FBXO32: variants seen among roughly 807,000 people sequenced by gnomAD.
The protein encoded by FBXO32 is F-box protein 32, also known as F-box only protein 32.
A neutral mutation model predicts 48.3 loss-of-function variants in FBXO32; 15 were observed. The ratio of observed to expected loss-of-function variants is 0.31; its 90% CI spans 0.21 to 0.48. The LOEUF (loss-of-function observed/expected upper bound fraction) is 0.48, where lower values mean the gene tolerates loss of function less well. Ranked by LOEUF, FBXO32 falls within the 20% of genes least tolerant of loss-of-function variation. The pLI, the probability that FBXO32 is intolerant of heterozygous loss-of-function variation, is 0.99. For missense variants in FBXO32, 309 were observed against 432.7 expected (o/e 0.71, Z 2.54); for synonymous variants, 154 against 165.9 (o/e 0.93, Z 0.55).
At chr8:123,510,029 G>A (rs900252135) in intron 6 of FBXO32, among the ~76,000 whole-genome samples, 2 of 152,204 alleles carry the variant, frequency 1.3e-5, no homozygotes, top group African/African-American at 4.8e-5. Flanking sequence ...GAAGCACTCA[G>A]TACAGCGCCC....
rs1000073659 is a variant in FBXO32, at chr8:123,498,130, A to C, written c.*5243T>G. On this transcript the variant is annotated 3_prime_UTR_variant, in exon 9 of 9. Transcript: ENST00000517956. ...TAATACTTTTCATTTAAAAAAGTAC[A>C]TTAAAGCTTCTAAGCTTAGGACACA... 3 of 152,224 alleles carry C rather than the reference A, an allele frequency of 2.0e-5. No homozygotes were observed. The highest frequency in any genetic ancestry group is 7.2e-5 in the African/African-American group (3 of 41,464). 9.4% of individuals were successfully genotyped at this position (152,224 alleles called of 1,614,324 possible). A position where few individuals can be genotyped will look rare whatever the true frequency, so the allele number is the denominator to read the frequency against.
At chr8:123,504,194 A>G (rs1816562685) in intron 8 of FBXO32, among the ~76,000 whole-genome samples, 2 of 152,240 alleles carry the variant, frequency 1.3e-5, no homozygotes. Context: ...GAATGTGTCA[A>G]AGTACATTGA....
At chr8:123,519,607 C>T (rs1053936714) in intron 4 of FBXO32, among the ~76,000 whole-genome samples, 4 of 147,914 alleles carry the variant, frequency 2.7e-5, no homozygotes, top group African/African-American at 1.0e-4. Context: ...TGGTAAACAA[C>T]TTTTAATATT....
rs3892087 is a variant in FBXO32, at chr8:123,513,306, G to A, written c.543C>T (p.Val181=). ...CCAGCACAGACTTGCCGACTCTTTG[G>A]ACCAGTGTACATAAGGATGTGTAGA... ...QTLYTSLCTL[V]QRVGKSVLVG... The change falls in exon 6 of 9, where the codon GTC becomes GTT. Residue 181 remains valine (V), a synonymous_variant. Coordinates refer to ENST00000517956, the MANE Select transcript of FBXO32 (RefSeq NM_058229.4). This position sits in a 1 kb window ranked among gnomAD's most constrained non-coding sequence, Gnocchi z 4.3. 1,177 of 1,614,190 alleles carry A rather than the reference G, an allele frequency of 7.3e-4. 7 individuals carry two copies. The African/African-American group carries it at 0.013, about 18-fold the overall frequency.
At chr8:123,538,979 G>C (rs1158117488) in intron 1 of FBXO32, among the ~76,000 whole-genome samples, 1 of 152,078 alleles carries the variant, frequency 6.6e-6, no homozygotes, top group Admixed American at 6.6e-5. Context: ...CCTGATGCCG[G>C]TATAGGGTAT....
At position 123,503,235 on chromosome 8, in the gene FBXO32, C is replaced by G; in HGVS notation, c.*138G>C. 1.7e-6 allele frequency: 1 copy of G among 595,950 alleles called. No individual in the cohort carries two copies. The allele number at this position is 595,950 out of a possible 1,614,324, so 36.9% of individuals were successfully genotyped here. ...CAACTGCATTTCTCCCCTCCAATGT[C>G]CTCTCCATGACTTATCTCTGAAGTT... On this transcript the variant is annotated 3_prime_UTR_variant, in exon 9 of 9. Transcript: ENST00000517956.
chr8:123,524,943 A>G (rs998526358), intron 4 of FBXO32, among the ~76,000 whole-genome samples: 10 of 152,200 alleles, frequency 6.6e-5, no homozygotes, highest in Non-Finnish European at 1.5e-4. Flanking sequence ...GCCACCCTCC[A>G]TCAGAGGAAG....
At chr8:123,517,370 C>T (rs1365790014) in intron 4 of FBXO32, among the ~76,000 whole-genome samples, 1 of 152,204 alleles carries the variant, frequency 6.6e-6, no homozygotes, top group Non-Finnish European at 1.5e-5. Context: ...TGATTATCTT[C>T]TCTAAGGAGA....
rs938875316 is a variant in FBXO32, at chr8:123,501,420, C to T, written c.*1953G>A. ...ACACACCTTAGATAGAATAATGGTTCGTGACCTTCCAAAGCTCAATCTTAC... is the reference window on the plus strand; with the variant it reads ...ACACACCTTAGATAGAATAATGGTTTGTGACCTTCCAAAGCTCAATCTTAC... On this transcript the variant is annotated 3_prime_UTR_variant, in exon 9 of 9. Transcript: ENST00000517956. 4.6e-5 allele frequency: 7 copies of T among 150,908 alleles called. No individual in the cohort carries two copies. Among genetic ancestry groups the T allele is most frequent in the Admixed American group, 2.6e-4 (4 of 15,166 alleles). The allele number at this position is 150,908 out of a possible 1,614,324, so 9.3% of individuals were successfully genotyped here. A position where few individuals can be genotyped will look rare whatever the true frequency, so the allele number is the denominator to read the frequency against.
chr8:123,531,463 G>C (rs1817207169), intron 4 of FBXO32, among the ~76,000 whole-genome samples: 1 of 152,218 alleles, frequency 6.6e-6, no homozygotes, highest in Non-Finnish European at 1.5e-5. Flanking sequence ...GGGAGACAGT[G>C]AGAACAGTCA....
At position 123,517,474 on chromosome 8, in the gene FBXO32, T is replaced by A. The variant is rs76224464; in HGVS notation, c.373-3141A>T. 2.2e-5 allele frequency among the ~76,000 whole-genome samples: 3 copies of A among 137,368 alleles called. No individual in the cohort carries two copies. In the East Asian group the frequency reaches 8.2e-4, roughly 38 times the overall value. 90.1% of individuals were successfully genotyped at this position (137,368 alleles called of 152,430 possible). ...TCCTATCTCAAGGGAAAGTCCCCCCTACCTTTTTTTTTTTTTTTAACTGTC... is the reference window on the plus strand; with the variant it reads ...TCCTATCTCAAGGGAAAGTCCCCCCAACCTTTTTTTTTTTTTTTAACTGTC... On this transcript the variant is annotated intron_variant, in intron 4 of 8. Coordinates refer to ENST00000517956, the MANE Select transcript of FBXO32 (RefSeq NM_058229.4).
intron 4 of FBXO32, among the ~76,000 whole-genome samples, chr8:123,530,329 C>T (rs376900704): frequency 1.3e-5 from 2 of 152,220 alleles, no homozygotes; most frequent in East Asian, 1.9e-4. Flanking sequence ...CCTGGCTGAG[C>T]CTCTGCAATC....
intron 4 of FBXO32, among the ~76,000 whole-genome samples, chr8:123,514,788 T>C (rs1816804726): frequency 6.6e-6 from 1 of 152,254 alleles, no homozygotes; most frequent in Non-Finnish European, 1.5e-5. Flanking sequence ...TGTGCACTTT[T>C]TCCATGGAAG....
chr8:123,539,278 G>C (rs1587005932), intron 1 of FBXO32, among the ~76,000 whole-genome samples: 1 of 152,268 alleles, frequency 6.6e-6, no homozygotes, highest in South Asian at 2.1e-4. Context: ...TTTCTAGAAA[G>C]AACCTGAACT....
chr8:123,515,415 T>C (rs1480210404), intron 4 of FBXO32, among the ~76,000 whole-genome samples: 2 of 151,618 alleles, frequency 1.3e-5, no homozygotes, highest in Non-Finnish European at 2.9e-5. Flanking sequence ...GTTTTTTTTT[T>C]TTTTTGTATT....
At chr8:123,533,009 CTTCT>C (rs1450775297) in intron 3 of FBXO32, among the ~76,000 whole-genome samples, 178 bp downstream of exon 3, 1 of 152,210 alleles carries the variant, frequency 6.6e-6, no homozygotes, top group Non-Finnish European at 1.5e-5. Context: ...GTGACTTTTG[CTTCT>C]TTCTCTCTCT....
chr8:123,499,044 T>G lies in FBXO32; in HGVS notation c.*4329A>C, dbSNP rs995966142. 3.3e-5 allele frequency: 5 copies of G among 152,192 alleles called. No homozygotes were observed. The highest frequency in any genetic ancestry group is 1.2e-4 in the African/African-American group (5 of 41,448). 9.4% of individuals were successfully genotyped at this position (152,192 alleles called of 1,614,324 possible). On this transcript the variant is annotated 3_prime_UTR_variant, in exon 9 of 9. Transcript: ENST00000517956. The stretch of plus-strand genomic sequence containing the variant: ...TGTTTCCAGCCACACCAAAAGGTGC[T>G]TGGGGTGGAGGGCTGGGGGCATAGA...
At chr8:123,530,146 G>C (rs1044651172) in intron 4 of FBXO32, among the ~76,000 whole-genome samples, 2 of 152,176 alleles carry the variant, frequency 1.3e-5, no homozygotes, top group African/African-American at 4.8e-5. Context: ...TGGAAGAAGA[G>C]CTTAGCCGAA....
In FBXO32 at chr8:123,503,241, C is replaced by T. The variant is rs1324104008; in HGVS notation, c.*132G>A. 7.3e-6 allele frequency: 5 copies of T among 681,460 alleles called. No homozygotes were observed. The highest frequency in any genetic ancestry group is 5.1e-4 in the Middle Eastern group (2 of 3,918). The allele number at this position is 681,460 out of a possible 1,614,324, so 42.2% of individuals were successfully genotyped here. A position where few individuals can be genotyped will look rare whatever the true frequency, so the allele number is the denominator to read the frequency against. ...CATTTCTCCCCTCCAATGTCCTCTC[C>T]ATGACTTATCTCTGAAGTTTCGAGC... On this transcript the variant is annotated 3_prime_UTR_variant, in exon 9 of 9. Transcript: ENST00000517956.
Sources: gnomAD v4.1 joint callset for allele counts (sites outside exome capture counted in the v4.1 genomes callset) on GRCh38, gnomAD v4.1.1 for gene constraint, Gnocchi (gnomAD v3.1) non-coding constraint, MANE v1.5 for transcripts, NCBI Gene and HGNC (gene_info 2026-07-23, HGNC 2026-07-21) for gene names.